The following GNAO1 variants were observed in gnomAD, a reference collection of about 807,000 sequenced individuals.
GNAO1 encodes G protein subunit alpha o1, also known as guanine nucleotide-binding protein G(o) subunit alpha.
For missense variants in GNAO1, 166 were observed against 478.7 expected, an observed-to-expected ratio of 0.35 and a Z score of 6.10; for synonymous variants, 164 against 180.7, an observed-to-expected ratio of 0.91 and a Z score of 0.74.
At chr16:56,329,859 C>T (rs555223666) in intron 4 of GNAO1, among the ~76,000 whole-genome samples, 5 of 152,274 alleles carry the variant, frequency 3.3e-5, no homozygotes, top group East Asian at 3.9e-4. Flanking sequence ...GTGGTGCTCC[C>T]GGCAGCTAGC....
At chr16:56,202,875 G>A (rs538229279) in intron 2 of GNAO1, among the ~76,000 whole-genome samples, 1 of 152,320 alleles carries the variant, frequency 6.6e-6, no homozygotes, top group East Asian at 1.9e-4. Flanking sequence ...TGTTCTGGGT[G>A]CTCGGAGTGT....
intron 2 of GNAO1, among the ~76,000 whole-genome samples, chr16:56,232,288 C>T (rs1324407873): frequency 2.0e-5 from 3 of 152,174 alleles, no homozygotes; most frequent in African/African-American, 7.2e-5. Context: ...GTTCATGGAT[C>T]TTCAGAAATG....
intron 3 of GNAO1, among the ~76,000 whole-genome samples, chr16:56,304,463 T>A (rs1218618558): frequency 3.3e-5 from 5 of 152,252 alleles, no homozygotes; most frequent in Non-Finnish European, 5.9e-5. Flanking sequence ...GGACTTAACA[T>A]AACACTTTAA....
chr16:56,234,739 A>G (rs903491343), intron 2 of GNAO1, among the ~76,000 whole-genome samples: 9 of 151,658 alleles, frequency 5.9e-5, no homozygotes, highest in African/African-American at 1.7e-4. Context: ...TTCCCCCCCA[A>G]CTCCTATTCC....
At chr16:56,344,065 A>T in intron 6 of GNAO1, 1 of 1,502,526 alleles carries the variant, frequency 6.7e-7, no homozygotes, top group East Asian at 2.4e-5. Context: ...AAGACCTCAG[A>T]GGCTGGCACC....
At chr16:56,236,616 C>T (rs1219670220) in intron 2 of GNAO1, among the ~76,000 whole-genome samples, 1 of 152,112 alleles carries the variant, frequency 6.6e-6, no homozygotes, top group Admixed American at 6.5e-5. Flanking sequence ...CCTTTTCACT[C>T]TACTATGTTA....
intron 2 of GNAO1, among the ~76,000 whole-genome samples, 156 bp from the exon 3 acceptor site, chr16:56,275,775 T>A (rs2037056040): frequency 6.6e-6 from 1 of 152,220 alleles, no homozygotes. Context: ...TAGGTAGCTT[T>A]TTCCTTTAGA....
chr16:56,246,302 A>G (rs1194094576), intron 2 of GNAO1, among the ~76,000 whole-genome samples: 4 of 152,204 alleles, frequency 2.6e-5, no homozygotes, highest in African/African-American at 9.6e-5. Flanking sequence ...ATGTTGTGGA[A>G]AACCCCTACT....
intron 2 of GNAO1, among the ~76,000 whole-genome samples, chr16:56,211,750 G>T (rs1401554938): frequency 6.6e-6 from 1 of 152,210 alleles, no homozygotes; most frequent in African/African-American, 2.4e-5. Flanking sequence ...TATGGTCGCA[G>T]TGCTTCCCAG....
At chr16:56,202,126 AAAAG>A (rs1427221690) in intron 2 of GNAO1, among the ~76,000 whole-genome samples, 2 of 152,194 alleles carry the variant, frequency 1.3e-5, no homozygotes, top group East Asian at 3.9e-4. Flanking sequence ...TGAGAAATGA[AAAAG>A]AAAACCCAAG....
chr16:56,314,864 C>CA (rs2037493503), intron 3 of GNAO1, among the ~76,000 whole-genome samples: 1 of 152,160 alleles, frequency 6.6e-6, no homozygotes, highest in Non-Finnish European at 1.5e-5. Context: ...CTGATCTAGC[C>CA]AATCCCTTCC....
At chr16:56,274,024 C>G (rs569562299) in intron 2 of GNAO1, among the ~76,000 whole-genome samples, 64 of 152,332 alleles carry the variant, frequency 4.2e-4, no homozygotes, top group Non-Finnish European at 6.3e-4. Context: ...GCTCTCTCTT[C>G]GCAGTTTTCT....
At chr16:56,350,332 A>C (rs1262684661) in intron 6 of GNAO1, among the ~76,000 whole-genome samples, 2 of 152,172 alleles carry the variant, frequency 1.3e-5, no homozygotes, top group Non-Finnish European at 2.9e-5. Context: ...GCAAGTTCCC[A>C]GGGCTAGGAC....
At chr16:56,289,691 G>A (rs1001822551) in intron 3 of GNAO1, among the ~76,000 whole-genome samples, 1 of 152,154 alleles carries the variant, frequency 6.6e-6, no homozygotes, top group African/African-American at 2.4e-5. Flanking sequence ...GCTTGAGGAG[G>A]GGGTACGGAG....
intron 2 of GNAO1, among the ~76,000 whole-genome samples, chr16:56,263,435 A>G (rs2036923020): frequency 6.6e-6 from 1 of 152,200 alleles, no homozygotes; most frequent in Non-Finnish European, 1.5e-5. Context: ...ATGTGGGGAA[A>G]CAGATGGTAT....
At chr16:56,231,249 C>T (rs1001748205) in intron 2 of GNAO1, among the ~76,000 whole-genome samples, 1 of 152,192 alleles carries the variant, frequency 6.6e-6, no homozygotes, top group Admixed American at 6.5e-5. Context: ...CCTCTGAAAT[C>T]CACCGTGGGG....
chr16:56,267,806 G>A (rs375132537), intron 2 of GNAO1, among the ~76,000 whole-genome samples: 5 of 152,162 alleles, frequency 3.3e-5, no homozygotes, highest in Non-Finnish European at 2.9e-5. Context: ...TGATATGGTG[G>A]CTGGCACCTA....
intron 2 of GNAO1, among the ~76,000 whole-genome samples, chr16:56,232,887 C>A (rs2036603937): frequency 6.6e-6 from 1 of 152,200 alleles, no homozygotes; most frequent in South Asian, 2.1e-4. Context: ...CCTTGTGATT[C>A]TATTTTTATT....
intron 6 of GNAO1, chr16:56,345,427 C>A: frequency 1.0e-6 from 1 of 985,860 alleles, no homozygotes; most frequent in Non-Finnish European, 1.2e-6. Flanking sequence ...CACTTGCAGC[C>A]CCCGGACTGC....
Sources: gnomAD v4.1 joint callset for allele counts (sites outside exome capture counted in the v4.1 genomes callset) on GRCh38, gnomAD v4.1.1 for gene constraint, MANE v1.5 for transcripts, NCBI Gene and HGNC (gene_info 2026-07-23, HGNC 2026-07-21) for gene names.